Variants in PLCXD3 observed in about 807,000 individuals in gnomAD.
PLCXD3 encodes phosphatidylinositol specific phospholipase C X domain containing 3.
Under a neutral mutation model 25.5 loss-of-function variants are expected in PLCXD3, and 19 were observed. The ratio of observed to expected loss-of-function variants is 0.75; its 90% CI spans 0.52 to 1.09. The LOEUF is 1.09. Ranked by LOEUF, PLCXD3 falls within the 50% of genes least tolerant of loss-of-function variation. PLCXD3 has a pLI of 0.00. For synonymous variants in PLCXD3, 174 were observed against 137.6 expected, an observed-to-expected ratio of 1.26 and a Z score of -1.85; for missense variants, 411 against 388.1, an observed-to-expected ratio of 1.06 and a Z score of -0.50.
At chr5:41,324,459 G>A (rs1239137514) in intron 2 of PLCXD3, among the ~76,000 whole-genome samples, 1 of 152,198 alleles carries the variant, frequency 6.6e-6, no homozygotes, top group Non-Finnish European at 1.5e-5. Context: ...GGAGGACTCA[G>A]TTGTTTCTAA....
In PLCXD3 at chr5:41,333,381, G is replaced by A. The variant is rs541580256; in HGVS notation, c.813-19611C>T. 1.7e-3 allele frequency among the ~76,000 whole-genome samples: 253 copies of A among 152,214 alleles called. 1 individual carries two copies. Among genetic ancestry groups the A allele is most frequent in the Admixed American group, 3.2e-3 (49 of 15,266 alleles). On this transcript the variant is annotated intron_variant, in intron 2 of 2. Coordinates refer to ENST00000377801, the MANE Select transcript of PLCXD3 (RefSeq NM_001005473.3). ...CACTTGAAAATGTAAAGAAGAGAAT[G>A]ACAACATGAAAAGAAACTCTTGCCC...
At chr5:41,492,747 T>C (rs1166092031) in intron 1 of PLCXD3, among the ~76,000 whole-genome samples, 1 of 152,258 alleles carries the variant, frequency 6.6e-6, no homozygotes, top group Non-Finnish European at 1.5e-5. Context: ...TCTGCATTCT[T>C]CACGTAGTTC....
chr5:41,373,793 A>G (rs1317170640), intron 2 of PLCXD3, among the ~76,000 whole-genome samples: 4 of 152,088 alleles, frequency 2.6e-5, no homozygotes, highest in Non-Finnish European at 5.9e-5. Flanking sequence ...CACTGAGTCT[A>G]GAAATTATTA....
chr5:41,394,095 T>C (rs950045536), intron 1 of PLCXD3, among the ~76,000 whole-genome samples: 8 of 151,970 alleles, frequency 5.3e-5, no homozygotes, highest in African/African-American at 1.7e-4. Context: ...TTTCAAGACA[T>C]AGACAGTATA....
At chr5:41,393,064 C>A (rs539981816) in intron 1 of PLCXD3, among the ~76,000 whole-genome samples, 11 of 152,228 alleles carry the variant, frequency 7.2e-5, no homozygotes, top group South Asian at 2.1e-4. Context: ...TAGACAGAAT[C>A]TAGAAAATAG....
In PLCXD3 at chr5:41,489,313, T is replaced by C. The variant is rs1580398778; in HGVS notation, c.103+21111A>G. Among the ~76,000 whole-genome samples the C allele has an allele frequency of 2.0e-5, 3 of 152,300 alleles. No homozygotes were observed. In the East Asian group the frequency reaches 5.8e-4, roughly 29 times the overall value. ...TATCTCTGTTTTGGTACCAGTACCA[T>C]GCTGTTTTGGTTACTGTAGCCTTGT... is the stretch of plus-strand genomic sequence containing the variant. On this transcript the variant is annotated intron_variant, in intron 1 of 2. Transcript: ENST00000377801.
intron 1 of PLCXD3, among the ~76,000 whole-genome samples, chr5:41,488,197 C>T (rs1280427800): frequency 1.1e-4 from 16 of 150,064 alleles, no homozygotes; most frequent in Admixed American, 5.3e-4. Context: ...TTTGTTCTTG[C>T]GATAGTTTAC....
chr5:41,408,854 G>A (rs1746433173), intron 1 of PLCXD3, among the ~76,000 whole-genome samples: 1 of 152,158 alleles, frequency 6.6e-6, no homozygotes, highest in South Asian at 2.1e-4. Flanking sequence ...TCAGGGAGAA[G>A]GATGAATCAA....
intron 1 of PLCXD3, among the ~76,000 whole-genome samples, chr5:41,508,047 G>A (rs1173781161): frequency 6.6e-6 from 1 of 152,140 alleles, no homozygotes; most frequent in African/African-American, 2.4e-5. Flanking sequence ...AAACATGCGA[G>A]TATTCAGGAG....
At chr5:41,454,177 G>T (rs1284390577) in intron 1 of PLCXD3, among the ~76,000 whole-genome samples, 1 of 151,892 alleles carries the variant, frequency 6.6e-6, no homozygotes, top group East Asian at 1.9e-4. Context: ...TGGAAATAGG[G>T]TCTTTGCAGA....
At chr5:41,466,176 T>A (rs535297044) in intron 1 of PLCXD3, among the ~76,000 whole-genome samples, 2 of 152,064 alleles carry the variant, frequency 1.3e-5, no homozygotes, top group Admixed American at 6.6e-5. Context: ...AACTGCTTAA[T>A]AAAAACAGAC....
intron 1 of PLCXD3, among the ~76,000 whole-genome samples, chr5:41,428,380 T>C (rs1203165931): frequency 3.4e-5 from 4 of 119,064 alleles, no homozygotes; most frequent in Non-Finnish European, 5.4e-5. Context: ...ATGAGTTTTT[T>C]TGTTTTTGTT....
intron 2 of PLCXD3, among the ~76,000 whole-genome samples, chr5:41,361,880 C>A (rs976731936): frequency 2.0e-5 from 3 of 152,182 alleles, no homozygotes; most frequent in African/African-American, 7.2e-5. Flanking sequence ...ACTCTTGAAT[C>A]ATCAAAGCTC....
At chr5:41,341,365 T>C (rs532139269) in intron 2 of PLCXD3, among the ~76,000 whole-genome samples, 48 of 152,290 alleles carry the variant, frequency 3.2e-4, no homozygotes, top group African/African-American at 1.1e-3. Flanking sequence ...AAATCGCTGA[T>C]CCTTTCTGTG....
chr5:41,372,137 A>G (rs1434062695), intron 2 of PLCXD3, among the ~76,000 whole-genome samples: 1 of 152,082 alleles, frequency 6.6e-6, no homozygotes, highest in Non-Finnish European at 1.5e-5. Flanking sequence ...TACTAGTTAT[A>G]TTTTAAGCTA....
At chr5:41,333,427 A>C (rs964430942) in intron 2 of PLCXD3, among the ~76,000 whole-genome samples, 11 of 152,314 alleles carry the variant, frequency 7.2e-5, no homozygotes, top group Non-Finnish European at 1.5e-5. Context: ...TATTTCATAC[A>C]CTGAAGCATT....
At chr5:41,321,223 T>C (rs1335185686) in intron 2 of PLCXD3, among the ~76,000 whole-genome samples, 1 of 152,206 alleles carries the variant, frequency 6.6e-6, no homozygotes, top group Admixed American at 6.5e-5. Context: ...AAAACAGAAG[T>C]GATAAGCAAA....
intron 1 of PLCXD3, among the ~76,000 whole-genome samples, chr5:41,481,820 TC>T (rs1400765374): frequency 1.3e-5 from 2 of 152,208 alleles, no homozygotes; most frequent in African/African-American, 4.8e-5. Flanking sequence ...TTCTCCCACC[TC>T]CTGGCATGGA....
At chr5:41,489,536 A>G (rs1748605270) in intron 1 of PLCXD3, among the ~76,000 whole-genome samples, 1 of 152,182 alleles carries the variant, frequency 6.6e-6, no homozygotes, top group African/African-American at 2.4e-5. Flanking sequence ...GGCAATTTTC[A>G]CAATATTGAT....
Sources: gnomAD v4.1 joint callset for allele counts (sites outside exome capture counted in the v4.1 genomes callset) on GRCh38, gnomAD v4.1.1 for gene constraint, MANE v1.5 for transcripts, NCBI Gene and HGNC (gene_info 2026-07-23, HGNC 2026-07-21) for gene names.